Variants in HS6ST3 observed in about 807,000 individuals in gnomAD.
HS6ST3 encodes heparan sulfate 6-O-sulfotransferase 3.
In HS6ST3, 12 loss-of-function variants were observed where a neutral mutation model predicts 36.7. That is an observed-to-expected ratio of 0.33 (90% CI 0.21 to 0.53). The LOEUF (loss-of-function observed/expected upper bound fraction) is 0.53, where lower values mean the gene tolerates loss of function less well. Ranked by LOEUF, HS6ST3 falls within the 20% of genes least tolerant of loss-of-function variation. The pLI is 0.95. For missense variants in HS6ST3, 584 were observed against 640.9 expected, an observed-to-expected ratio of 0.91 and a Z score of 0.96; for synonymous variants, 240 against 257.5, an observed-to-expected ratio of 0.93 and a Z score of 0.65.
intron 1 of HS6ST3, among the ~76,000 whole-genome samples, chr13:96,167,312 A>G (rs1463744738): frequency 6.6e-6 from 1 of 152,240 alleles, no homozygotes; most frequent in Non-Finnish European, 1.5e-5. Context: ...GGTAGCCATT[A>G]TTAAGAAAGA....
chr13:96,548,577 AATCT>A (rs1316673011), intron 1 of HS6ST3, among the ~76,000 whole-genome samples: 1 of 152,196 alleles, frequency 6.6e-6, no homozygotes, highest in East Asian at 1.9e-4. Flanking sequence ...TGTAGGTATG[AATCT>A]ATCTATCTAT....
intron 1 of HS6ST3, among the ~76,000 whole-genome samples, chr13:96,420,566 A>G (rs1781367743): frequency 6.6e-6 from 1 of 152,224 alleles, no homozygotes; most frequent in Admixed American, 6.5e-5. Flanking sequence ...CACATTTTAA[A>G]TATTGAAACA....
At chr13:96,148,847 A>G (rs553962935) in intron 1 of HS6ST3, among the ~76,000 whole-genome samples, 1 of 152,328 alleles carries the variant, frequency 6.6e-6, no homozygotes, top group South Asian at 2.1e-4. Flanking sequence ...AGGCATATCA[A>G]TGATGGCATG....
intron 1 of HS6ST3, among the ~76,000 whole-genome samples, chr13:96,474,917 G>T (rs2055856289): frequency 2.0e-5 from 3 of 152,214 alleles, no homozygotes. Context: ...AGTGAGTGCA[G>T]TGCTGAGAGG....
intron 1 of HS6ST3, among the ~76,000 whole-genome samples, chr13:96,585,347 A>C (rs1047789524): frequency 6.6e-6 from 1 of 152,174 alleles, no homozygotes; most frequent in Non-Finnish European, 1.5e-5. Flanking sequence ...CATTTTTTTA[A>C]ATTTTTAATT....
intron 1 of HS6ST3, among the ~76,000 whole-genome samples, chr13:96,764,824 T>C (rs1231197491): frequency 6.6e-6 from 1 of 152,208 alleles, no homozygotes; most frequent in African/African-American, 2.4e-5. Flanking sequence ...GTCTTTGTTC[T>C]ATTGATCACT....
chr13:96,145,181 G>A (rs1431712750), intron 1 of HS6ST3, among the ~76,000 whole-genome samples: 1 of 147,720 alleles, frequency 6.8e-6, no homozygotes, highest in East Asian at 2.0e-4. Flanking sequence ...TAATGGGATG[G>A]CTGGGTCAAA....
intron 1 of HS6ST3, among the ~76,000 whole-genome samples, chr13:96,131,440 C>A (rs958124032): frequency 1.3e-5 from 2 of 151,894 alleles, no homozygotes; most frequent in African/African-American, 4.8e-5. Flanking sequence ...AAAATTGACA[C>A]AATTGTATGT....
intron 1 of HS6ST3, among the ~76,000 whole-genome samples, chr13:96,690,227 C>A (rs1409827972): frequency 2.6e-5 from 4 of 152,034 alleles, no homozygotes; most frequent in Non-Finnish European, 5.9e-5. Context: ...ATATACTGGA[C>A]AGAGAATTGA....
At chr13:96,190,288 C>G (rs1379221108) in intron 1 of HS6ST3, among the ~76,000 whole-genome samples, 2 of 152,220 alleles carry the variant, frequency 1.3e-5, no homozygotes, top group Admixed American at 6.5e-5. Flanking sequence ...CCTGGGCATT[C>G]TCCTTCAGTC....
At chr13:96,740,221 T>G (rs777444582) in intron 1 of HS6ST3, among the ~76,000 whole-genome samples, 16 of 152,192 alleles carry the variant, frequency 1.1e-4, no homozygotes, top group Non-Finnish European at 1.9e-4. Context: ...CACTCTCATA[T>G]GCCCCGAATT....
At chr13:96,274,049 T>A (rs2054735474) in intron 1 of HS6ST3, among the ~76,000 whole-genome samples, 1 of 149,806 alleles carries the variant, frequency 6.7e-6, no homozygotes, top group Non-Finnish European at 1.5e-5. Context: ...TTTATTTGAT[T>A]CTTTCTTTCT....
chr13:96,217,901 T>C (rs941108807), intron 1 of HS6ST3, among the ~76,000 whole-genome samples: 13 of 152,114 alleles, frequency 8.5e-5, no homozygotes, highest in African/African-American at 3.1e-4. Flanking sequence ...GATAGATAGA[T>C]AGATAAATTT....
chr13:96,301,625 CTCACGCCTGTAA>C (rs1478244782), intron 1 of HS6ST3, among the ~76,000 whole-genome samples: 1 of 152,084 alleles, frequency 6.6e-6, no homozygotes, highest in Non-Finnish European at 1.5e-5. Flanking sequence ...GGTGCGGGGG[CTCACGCCTGTAA>C]TCCCAACACT....
intron 1 of HS6ST3, among the ~76,000 whole-genome samples, chr13:96,675,785 A>C (rs1277463029): frequency 6.6e-6 from 1 of 152,200 alleles, no homozygotes; most frequent in East Asian, 1.9e-4. Flanking sequence ...AGCTTGAAGT[A>C]CTGACCTCTC....
intron 1 of HS6ST3, among the ~76,000 whole-genome samples, chr13:96,617,486 A>G (rs1249448616): frequency 6.6e-6 from 1 of 152,186 alleles, no homozygotes; most frequent in East Asian, 1.9e-4. Context: ...TACTTCCATC[A>G]TAATCTTTCA....
chr13:96,469,991 A>G (rs954648034), intron 1 of HS6ST3, among the ~76,000 whole-genome samples: 3 of 152,218 alleles, frequency 2.0e-5, no homozygotes, highest in Admixed American at 6.5e-5. Flanking sequence ...CTACATACAT[A>G]TAGAAAATTC....
At chr13:96,808,127 C>T (rs1878239500) in intron 1 of HS6ST3, among the ~76,000 whole-genome samples, 1 of 152,094 alleles carries the variant, frequency 6.6e-6, no homozygotes, top group African/African-American at 2.4e-5. Context: ...AAAAAGAGAC[C>T]ACTGCCATAC....
chr13:96,542,117 TAACAAATTATGTTTTA>T (rs1208387162), intron 1 of HS6ST3, among the ~76,000 whole-genome samples: 1 of 152,196 alleles, frequency 6.6e-6, no homozygotes, highest in Non-Finnish European at 1.5e-5. Flanking sequence ...GATAAATACT[TAACAAATTATGTTTTA>T]ACAATTACAT....
Sources: allele counts gnomAD v4.1 joint callset (sites outside exome capture counted in the v4.1 genomes callset), GRCh38; gene constraint gnomAD v4.1.1; transcripts MANE v1.5; gene names NCBI Gene and HGNC (gene_info 2026-07-23, HGNC 2026-07-21).